The following HECW2 variants were observed in gnomAD, a reference collection of about 807,000 sequenced individuals.
The protein encoded by HECW2 is E3 ubiquitin-protein ligase HECW2.
Under a neutral mutation model 175.2 loss-of-function variants are expected in HECW2, and 61 were observed. The ratio of observed to expected loss-of-function variants is 0.35; its 90% CI spans 0.28 to 0.43. The LOEUF (loss-of-function observed/expected upper bound fraction) is 0.43. Among genes scored for constraint, HECW2 ranks in the 20% least tolerant of loss-of-function variants. The pLI is 1.00. For synonymous variants in HECW2, 671 were observed against 731.0 expected, an observed-to-expected ratio of 0.92 and a Z score of 1.32; for missense variants, 1,524 against 2,000.5, an observed-to-expected ratio of 0.76 and a Z score of 4.54.
At chr2:196,419,993 T>C (rs1695366201) in intron 2 of HECW2, among the ~76,000 whole-genome samples, 1 of 152,242 alleles carries the variant, frequency 6.6e-6, no homozygotes, top group South Asian at 2.1e-4. Context: ...TGAACTACAG[T>C]AGCTAAGAAA....
At chr2:196,415,241 C>T (rs1045237756) in intron 2 of HECW2, among the ~76,000 whole-genome samples, 1 of 152,128 alleles carries the variant, frequency 6.6e-6, no homozygotes, top group African/African-American at 2.4e-5. Flanking sequence ...TTATATTCCT[C>T]GGTAGGAGAC....
At position 196,375,946 on chromosome 2, in the gene HECW2, T is replaced by C. The variant is rs557295662; in HGVS notation, c.293-32182A>G. On this transcript the variant is annotated intron_variant, in intron 2 of 28. Transcript: ENST00000644978. The stretch of plus-strand genomic sequence containing the variant: ...AAGTACTTTCGCATGTACCTTCTTA[T>C]GCCAGTTAGGAAAATCTGGTCCATT... 7.2e-5 allele frequency among the ~76,000 whole-genome samples: 11 copies of C among 152,380 alleles called. No homozygotes were observed. The South Asian group carries it at 2.3e-3, about 32-fold the overall frequency.
chr2:196,244,213 A>C (rs935543461), intron 19 of HECW2, among the ~76,000 whole-genome samples: 2 of 152,234 alleles, frequency 1.3e-5, no homozygotes, highest in Non-Finnish European at 2.9e-5. Context: ...TTGGGGAAAC[A>C]GAAATAAAAC....
At chr2:196,359,132 C>T (rs1469053717) in intron 2 of HECW2, among the ~76,000 whole-genome samples, 1 of 152,130 alleles carries the variant, frequency 6.6e-6, no homozygotes, top group African/African-American at 2.4e-5. Context: ...ACACACCCTC[C>T]TTTCTTTCCT....
chr2:196,374,741 T>C (rs755016068), intron 2 of HECW2, among the ~76,000 whole-genome samples: 2 of 151,598 alleles, frequency 1.3e-5, no homozygotes, highest in South Asian at 4.2e-4. Flanking sequence ...ACAACTCATA[T>C]CTCAAGATTC....
At chr2:196,289,505 T>C (rs1575364304) in intron 14 of HECW2, 1 of 152,158 alleles carries the variant, frequency 6.6e-6, no homozygotes, top group African/African-American at 2.4e-5. Context: ...CAGTGTGCTA[T>C]GCCAATCAGG....
At position 196,346,239 on chromosome 2, in the gene HECW2, A is replaced by G. The variant is rs971815733; in HGVS notation, c.293-2475T>C. Among the ~76,000 whole-genome samples the G allele has an allele frequency of 3.9e-5, 6 of 152,206 alleles. 2 individuals carry two copies. The highest frequency in any genetic ancestry group is 3.9e-4 in the Admixed American group (6 of 15,274). On this transcript the variant is annotated intron_variant, in intron 2 of 28. Transcript: ENST00000644978. ...TAAACTTTTTCTCCCCAGGCAATCAATTAAGCCAATAAATTAATCCAAACG... is the reference window on the plus strand; with the variant it reads ...TAAACTTTTTCTCCCCAGGCAATCAGTTAAGCCAATAAATTAATCCAAACG...
intron 1 of HECW2, among the ~76,000 whole-genome samples, chr2:196,505,574 A>G (rs1261520363): frequency 6.6e-6 from 1 of 152,064 alleles, no homozygotes; most frequent in African/African-American, 2.4e-5. Context: ...AAGAAACTAG[A>G]CTTGATTACT....
At chr2:196,320,029 TG>T in intron 8 of HECW2, 125 bp from the exon 9 acceptor site, 1 of 990,674 alleles carries the variant, frequency 1.0e-6, no homozygotes, top group Non-Finnish European at 1.4e-6. Flanking sequence ...TCTACTGACT[TG>T]CTAAGATTCA....
At chr2:196,446,731 A>G (rs1162886905) in intron 1 of HECW2, among the ~76,000 whole-genome samples, 4 of 152,218 alleles carry the variant, frequency 2.6e-5, no homozygotes, top group African/African-American at 4.8e-5. Flanking sequence ...GAAATCAACA[A>G]AAGGTGCATC....
At chr2:196,356,853 G>A (rs1229960266) in intron 2 of HECW2, among the ~76,000 whole-genome samples, 3 of 152,174 alleles carry the variant, frequency 2.0e-5, no homozygotes, top group Middle Eastern at 3.2e-3. Flanking sequence ...GGGAATAACA[G>A]TGTATGGTAG....
intron 3 of HECW2, 150 bp from the exon 4 acceptor site, chr2:196,334,668 C>T: frequency 1.6e-6 from 1 of 639,330 alleles, no homozygotes; most frequent in Admixed American, 2.8e-5. Context: ...CAAATTACAT[C>T]AATTTCTGTT....
chr2:196,240,747 T>G (rs1688418646), intron 20 of HECW2, among the ~76,000 whole-genome samples, 185 bp from the exon 21 acceptor site: 1 of 104,552 alleles, frequency 9.6e-6, no homozygotes, highest in Admixed American at 1.2e-4. Context: ...TTAGCAAAAG[T>G]TACATGAGAG....
rs1691332455 is a variant in HECW2 at position 196,307,983 on chromosome 2, A to G, written c.2537T>C (p.Val846Ala). The G allele has an allele frequency of 1.9e-6, 3 of 1,603,896 alleles. No individual in the cohort carries two copies. The highest frequency in any genetic ancestry group is 2.6e-6 in the Non-Finnish European group (3 of 1,172,624). Residue 846 changes from valine (V) to alanine (A), a missense_variant, in exon 11 of 29, where the codon GTG becomes GCG. By Grantham distance (64) the Val-to-Ala change is moderately conservative. Around this residue, in one of 11 missense-constraint regions of HECW2, gnomAD observed 82 missense variants for 124.4 expected, o/e 0.66. Coordinates refer to ENST00000644978, the MANE Select transcript of HECW2 (RefSeq NM_001348768.2). ...QRPTAPPAPQ[V>A]LQRSNSIQQM... ...CTGTATGGAGTTAGATCTCTGCAGC[A>G]CCTGCGGGGCTGGGGGAGCTGTCGG...
chr2:196,393,924 C>T (rs1694586542), intron 2 of HECW2, among the ~76,000 whole-genome samples: 1 of 152,134 alleles, frequency 6.6e-6, no homozygotes, highest in Non-Finnish European at 1.5e-5. Context: ...CAATGATAGA[C>T]TGGATTAAGA....
chr2:196,289,162 G>C (rs1207623740), intron 14 of HECW2: 1 of 152,208 alleles, frequency 6.6e-6, no homozygotes, highest in African/African-American at 2.4e-5. Context: ...AACACGAAAG[G>C]AAGATGTTAC....
At chr2:196,311,404 A>T (rs1479766660) in intron 10 of HECW2, among the ~76,000 whole-genome samples, 1 of 152,230 alleles carries the variant, frequency 6.6e-6, no homozygotes, top group Non-Finnish European at 1.5e-5. Flanking sequence ...ACACTGACAC[A>T]AATTAATAAG....
intron 1 of HECW2, among the ~76,000 whole-genome samples, chr2:196,470,073 T>A (rs1331015563): frequency 6.6e-6 from 1 of 152,004 alleles, no homozygotes; most frequent in Non-Finnish European, 1.5e-5. Flanking sequence ...AAGACAAGGA[T>A]CACAGAAAAA....
intron 1 of HECW2, among the ~76,000 whole-genome samples, chr2:196,482,786 A>G (rs1408971528): frequency 6.6e-6 from 1 of 152,178 alleles, no homozygotes; most frequent in Non-Finnish European, 1.5e-5. Flanking sequence ...TAAAATCACT[A>G]AGAATTCAAG....
Sources: gnomAD v4.1 joint callset for allele counts (sites outside exome capture counted in the v4.1 genomes callset) on GRCh38, gnomAD v4.1.1 for gene constraint, gnomAD v4.1.1 regional missense constraint, MANE v1.5 for transcripts, NCBI Gene and HGNC (gene_info 2026-07-23, HGNC 2026-07-21) for gene names.